SGCZ: variants seen among roughly 807,000 people sequenced by gnomAD.
SGCZ encodes zeta-sarcoglycan.
In SGCZ, 40 loss-of-function variants were observed where a neutral mutation model predicts 41.3. The observed-to-expected ratio is 0.97, with a 90% CI of 0.75 to 1.26. SGCZ has a LOEUF of 1.26. Ranked by LOEUF, SGCZ falls within the 50% of genes most tolerant of loss-of-function variation. The pLI is 0.00. For synonymous variants in SGCZ, 206 were observed against 137.5 expected (o/e 1.50, Z -3.49); for missense variants, 552 against 369.8 (o/e 1.49, Z -4.04).
chr8:14,347,492 G>C (rs187170555), intron 2 of SGCZ, among the ~76,000 whole-genome samples: 2 of 151,968 alleles, frequency 1.3e-5, no homozygotes, highest in South Asian at 2.1e-4. Context: ...TCACATAATA[G>C]TTTAGTCACT....
chr8:14,453,735 T>A (rs969723228), intron 2 of SGCZ, among the ~76,000 whole-genome samples: 4 of 152,234 alleles, frequency 2.6e-5, no homozygotes, highest in Non-Finnish European at 5.9e-5. Context: ...GTTCTCATCT[T>A]TAACAATGTT....
At chr8:14,845,474 A>G (rs1399988579) in intron 1 of SGCZ, among the ~76,000 whole-genome samples, 1 of 152,228 alleles carries the variant, frequency 6.6e-6, no homozygotes, top group African/African-American at 2.4e-5. Context: ...CACAAGCAGG[A>G]AAATGTGACA....
chr8:14,098,785 A>C lies in SGCZ; in HGVS notation c.744+3591T>G, dbSNP rs537785093. On this transcript the variant is annotated intron_variant, in intron 7 of 7. Coordinates refer to ENST00000382080, the MANE Select transcript of SGCZ (RefSeq NM_139167.4). ...ATGTGGGATTGATCAGATGACTGTA[A>C]GAGTAAGTAAGGATTGCAGGTGACA... Among the ~76,000 whole-genome samples, 12 of 152,248 alleles carry C rather than the reference A, an allele frequency of 7.9e-5. No individual in the cohort carries two copies. In the South Asian group the frequency reaches 2.1e-3, roughly 26 times the overall value.
intron 1 of SGCZ, among the ~76,000 whole-genome samples, chr8:14,762,339 G>A (rs942805791): frequency 1.3e-5 from 2 of 151,434 alleles, no homozygotes; most frequent in Non-Finnish European, 2.9e-5. Context: ...AAGGACATAG[G>A]ATCACATCCT....
chr8:15,180,026 A>G (rs2117084433), intron 1 of SGCZ, among the ~76,000 whole-genome samples: 1 of 152,294 alleles, frequency 6.6e-6, no homozygotes, highest in African/African-American at 2.4e-5. Context: ...CATTTTTACT[A>G]TGTGTTATAA....
intron 3 of SGCZ, among the ~76,000 whole-genome samples, chr8:14,251,871 A>C (rs1019792176): frequency 6.6e-6 from 1 of 151,938 alleles, no homozygotes; most frequent in African/African-American, 2.4e-5. Context: ...GCTCACCACC[A>C]CCTAATTTTT....
chr8:14,318,038 A>T (rs1158083518), intron 3 of SGCZ, among the ~76,000 whole-genome samples: 1 of 152,118 alleles, frequency 6.6e-6, no homozygotes, highest in Non-Finnish European at 1.5e-5. Context: ...AGAACAGCAT[A>T]GAGTTACTGG....
intron 6 of SGCZ, among the ~76,000 whole-genome samples, chr8:14,104,128 G>T (rs985062136): frequency 2.0e-5 from 3 of 152,072 alleles, no homozygotes; most frequent in African/African-American, 7.2e-5. Context: ...CGTCTAAAAA[G>T]CCTGTTGAAA....
At chr8:14,250,787 C>T (rs1799255406) in intron 3 of SGCZ, among the ~76,000 whole-genome samples, 1 of 152,196 alleles carries the variant, frequency 6.6e-6, no homozygotes, top group Non-Finnish European at 1.5e-5. Context: ...CTCCTATGCA[C>T]CCAAGGCTCC....
At chr8:14,524,824 C>G (rs538521761) in intron 2 of SGCZ, among the ~76,000 whole-genome samples, 68 of 151,866 alleles carry the variant, frequency 4.5e-4, no homozygotes, top group African/African-American at 1.6e-3. Flanking sequence ...GCATATATCT[C>G]CTTTTTGTTT....
At chr8:14,273,597 A>G (rs1369943032) in intron 3 of SGCZ, among the ~76,000 whole-genome samples, 1 of 152,168 alleles carries the variant, frequency 6.6e-6, no homozygotes, top group Non-Finnish European at 1.5e-5. Context: ...ACTACTTTAA[A>G]GTTTTATACA....
At chr8:14,184,835 A>G (rs1017778158) in intron 4 of SGCZ, among the ~76,000 whole-genome samples, 4 of 152,180 alleles carry the variant, frequency 2.6e-5, no homozygotes, top group Non-Finnish European at 2.9e-5. Context: ...TTGTTTAACA[A>G]AAGTGCCCCT....
chr8:14,114,485 T>C (rs891273124), intron 5 of SGCZ, among the ~76,000 whole-genome samples: 1 of 151,946 alleles, frequency 6.6e-6, no homozygotes, highest in African/African-American at 2.4e-5. Flanking sequence ...GCTGCCAGGA[T>C]TTCTAAAAAG....
intron 5 of SGCZ, among the ~76,000 whole-genome samples, chr8:14,140,346 A>C (rs987141248): frequency 7.9e-5 from 12 of 152,172 alleles, no homozygotes; most frequent in African/African-American, 2.9e-4. Context: ...AAAGAAAGAA[A>C]GGGTATTCAA....
intron 1 of SGCZ, among the ~76,000 whole-genome samples, chr8:15,027,954 T>G (rs1244710210): frequency 6.6e-6 from 1 of 152,094 alleles, no homozygotes; most frequent in East Asian, 1.9e-4. Flanking sequence ...CTTCTCACCT[T>G]TATGTTAAGT....
At chr8:14,206,082 T>C (rs571109195) in intron 4 of SGCZ, among the ~76,000 whole-genome samples, 2 of 152,108 alleles carry the variant, frequency 1.3e-5, no homozygotes, top group Non-Finnish European at 2.9e-5. Context: ...CTCTACCATT[T>C]AACAAAGCAA....
intron 1 of SGCZ, among the ~76,000 whole-genome samples, chr8:14,999,924 G>T (rs1236660857): frequency 6.6e-6 from 1 of 152,144 alleles, no homozygotes; most frequent in Non-Finnish European, 1.5e-5. Context: ...GGTGTTACGG[G>T]CTGAATGCCT....
rs930545091 is a variant in SGCZ, at chr8:14,150,415, A to G, written c.547+14165T>C. Among the ~76,000 whole-genome samples, 4 of 152,308 alleles carry G rather than the reference A, an allele frequency of 2.6e-5. No individual in the cohort carries two copies. The East Asian group carries it at 5.8e-4, about 22-fold the overall frequency. Reference sequence around the variant, plus strand: ...GAAAACACACACATGGCAAACAGGCATACAAAAAATGCTCAACATGGATTA... The same window carrying G: ...GAAAACACACACATGGCAAACAGGCGTACAAAAAATGCTCAACATGGATTA... On this transcript the variant is annotated intron_variant, in intron 5 of 7. Coordinates refer to ENST00000382080, the MANE Select transcript of SGCZ (RefSeq NM_139167.4).
At chr8:15,227,819 C>T (rs894830460) in intron 1 of SGCZ, among the ~76,000 whole-genome samples, 1 of 152,166 alleles carries the variant, frequency 6.6e-6, no homozygotes, top group Non-Finnish European at 1.5e-5. Context: ...TGGTGCATCT[C>T]ACTAAACATC....
Sources: gnomAD v4.1 joint callset for allele counts (sites outside exome capture counted in the v4.1 genomes callset) on GRCh38, gnomAD v4.1.1 for gene constraint, MANE v1.5 for transcripts, NCBI Gene and HGNC (gene_info 2026-07-23, HGNC 2026-07-21) for gene names.